WASF3: variants seen among roughly 807,000 people sequenced by gnomAD.
WASF3 encodes actin-binding protein WASF3.
WASF3 carries 11 observed loss-of-function variants against 46.6 expected under a neutral mutation model. The ratio of observed to expected loss-of-function variants is 0.24; its 90% CI spans 0.15 to 0.39. WASF3 has a LOEUF of 0.39. Ranked by LOEUF, WASF3 falls within the 10% of genes least tolerant of loss-of-function variation. WASF3 has a pLI of 1.00. For synonymous variants in WASF3, 242 were observed against 259.7 expected (o/e 0.93, Z 0.65); for missense variants, 576 against 669.8 (o/e 0.86, Z 1.55).
At chr13:26,636,749 C>T (rs1286393576) in intron 2 of WASF3, among the ~76,000 whole-genome samples, 1 of 152,198 alleles carries the variant, frequency 6.6e-6, no homozygotes, top group Non-Finnish European at 1.5e-5. Flanking sequence ...CTGAAGGGTC[C>T]TTTCTTGCCT....
At chr13:26,543,154 C>T in the WASF3 span, among the ~76,000 whole-genome samples, 1 of 151,926 alleles carries the variant, frequency 6.6e-6, no homozygotes, top group African/African-American at 2.4e-5. Context: ...GTGGTGGGGA[C>T]GTGGAGGTGG....
At chr13:26,625,635 G>A (rs915226147) in intron 2 of WASF3, among the ~76,000 whole-genome samples, 2 of 152,110 alleles carry the variant, frequency 1.3e-5, no homozygotes, top group Non-Finnish European at 2.9e-5. Context: ...GGTGAGGGTG[G>A]ATCTTTTTTT....
intron 2 of WASF3, among the ~76,000 whole-genome samples, chr13:26,640,028 G>A (rs1045981491): frequency 6.6e-5 from 10 of 152,066 alleles, no homozygotes; most frequent in Non-Finnish European, 1.3e-4. Context: ...GAGCCACATC[G>A]AGGAGGTGAT....
chr13:26,645,926 C>A (rs1237127142), intron 3 of WASF3, among the ~76,000 whole-genome samples: 1 of 152,056 alleles, frequency 6.6e-6, no homozygotes, highest in African/African-American at 2.4e-5. Flanking sequence ...GAAAACCAGC[C>A]TTTTGAAAGA....
chr13:26,576,325 A>G (rs2137161126), intron 1 of WASF3, among the ~76,000 whole-genome samples: 1 of 151,778 alleles, frequency 6.6e-6, no homozygotes, highest in Non-Finnish European at 1.5e-5. Flanking sequence ...CTGTTTCATT[A>G]CTTTCTTTTT....
intron 1 of WASF3, among the ~76,000 whole-genome samples, chr13:26,559,817 T>TCTTTCTTTCTTTC (rs770030483): frequency 2.3e-4 from 24 of 102,886 alleles, no homozygotes; most frequent in African/African-American, 4.3e-4. Context: ...TCTTTTTTTT[T>TCTTTCTTTCTTTC]TTTTTTTTTT....
chr13:26,569,063 G>A (rs1464266965), intron 1 of WASF3, among the ~76,000 whole-genome samples: 1 of 152,140 alleles, frequency 6.6e-6, no homozygotes, highest in African/African-American at 2.4e-5. Flanking sequence ...TGTAGAAGAG[G>A]ACATTCACCT....
chr13:26,543,948 C>G, the WASF3 span, among the ~76,000 whole-genome samples: 62 of 152,206 alleles, frequency 4.1e-4, 1 homozygote, highest in African/African-American at 1.4e-3. Context: ...CATATAGGCT[C>G]GTTCCTTAAA....
chr13:26,624,797 T>A (rs1881416151), intron 2 of WASF3, among the ~76,000 whole-genome samples: 1 of 152,158 alleles, frequency 6.6e-6, no homozygotes, highest in South Asian at 2.1e-4. Flanking sequence ...AGACTTCTTG[T>A]CAGAGACTAT....
chr13:26,633,185 T>G (rs2137264938), intron 2 of WASF3, among the ~76,000 whole-genome samples: 1 of 143,894 alleles, frequency 6.9e-6, no homozygotes, highest in East Asian at 2.0e-4. Context: ...AGTTCTGTTT[T>G]GATCTTAGTT....
At position 26,679,921 on chromosome 13, in the gene WASF3, C is replaced by T; in HGVS notation, c.717-1133C>T. On this transcript the variant is annotated intron_variant, in intron 7 of 9. Coordinates refer to ENST00000335327, the MANE Select transcript of WASF3 (RefSeq NM_006646.6). The surrounding 1 kb of genome is among the most constrained non-coding windows in gnomAD (Gnocchi z 4.8). ...TCTCATTTGGAAGGCTTTTCTGTGC[C>T]ACATGGTGCCCCAGTTAAGAAAAGC... is the stretch of plus-strand genomic sequence containing the variant. The T allele has an allele frequency of 9.4e-6, 12 of 1,276,500 alleles. No homozygotes were observed. The highest frequency in any genetic ancestry group is 1.2e-5 in the Non-Finnish European group (11 of 937,496). The allele number at this position is 1,276,500 out of a possible 1,614,324, so 79.1% of individuals were successfully genotyped here.
intron 2 of WASF3, among the ~76,000 whole-genome samples, chr13:26,634,578 G>A (rs996283794): frequency 1.3e-5 from 2 of 152,188 alleles, no homozygotes; most frequent in Non-Finnish European, 2.9e-5. Context: ...TTTATTCATA[G>A]CATCGATGGT....
At chr13:26,543,965 C>A in the WASF3 span, among the ~76,000 whole-genome samples, 29 of 152,112 alleles carry the variant, frequency 1.9e-4, no homozygotes, top group African/African-American at 6.5e-4. Flanking sequence ...TAAAAAAATC[C>A]TTAAAAAATA....
At chr13:26,594,823 CA>C (rs1294920506) in intron 1 of WASF3, among the ~76,000 whole-genome samples, 3 of 46,156 alleles carry the variant, frequency 6.5e-5, no homozygotes, top group Non-Finnish European at 1.0e-4. Context: ...TGGAGCTCCA[CA>C]TTGTCTGTCT....
intron 2 of WASF3, among the ~76,000 whole-genome samples, chr13:26,614,410 C>T (rs1026523176): frequency 6.6e-6 from 1 of 152,098 alleles, no homozygotes; most frequent in African/African-American, 2.4e-5. Flanking sequence ...GCCTGAAAAT[C>T]CATGGTTAAA....
chr13:26,640,393 C>T (rs1593164473), intron 2 of WASF3: 1 of 150,614 alleles, frequency 6.6e-6, no homozygotes, highest in East Asian at 1.9e-4. Flanking sequence ...TTTTATTTAT[C>T]ATCTCTTTTT....
chr13:26,567,159 A>T (rs1289342111), intron 1 of WASF3, among the ~76,000 whole-genome samples: 1 of 152,234 alleles, frequency 6.6e-6, no homozygotes, highest in African/African-American at 2.4e-5. Context: ...GACATGGTTT[A>T]TTATATATTT....
At chr13:26,572,629 G>A (rs534358368) in intron 1 of WASF3, among the ~76,000 whole-genome samples, 3 of 152,038 alleles carry the variant, frequency 2.0e-5, no homozygotes, top group African/African-American at 7.3e-5. Context: ...ACAGTGGCAC[G>A]ATCTCGGCTC....
In WASF3 at chr13:26,579,275, A is replaced by C. The variant is rs553929270; in HGVS notation, c.-109+21456A>C. 3.3e-5 allele frequency among the ~76,000 whole-genome samples: 5 copies of C among 152,120 alleles called. No homozygotes were observed. The East Asian group carries it at 9.7e-4, about 29-fold the overall frequency. On this transcript the variant is annotated intron_variant, in intron 1 of 9. Transcript: ENST00000335327. ...CCTTAAGGAGAGAGAAACTAGATTAAAATACAAAAGTAAATACCCAAGCCT... is the reference window on the plus strand; with the variant it reads ...CCTTAAGGAGAGAGAAACTAGATTACAATACAAAAGTAAATACCCAAGCCT...
Sources: allele counts gnomAD v4.1 joint callset (sites outside exome capture counted in the v4.1 genomes callset), GRCh38; gene constraint gnomAD v4.1.1; non-coding constraint Gnocchi (gnomAD v3.1); transcripts MANE v1.5; gene names NCBI Gene and HGNC (gene_info 2026-07-23, HGNC 2026-07-21).